The following ASCC1 variants were observed in gnomAD, a reference collection of about 807,000 sequenced individuals.
The protein encoded by ASCC1 is ASC-1 complex subunit P50.
A neutral mutation model predicts 46.6 loss-of-function variants in ASCC1; 35 were observed. That is an observed-to-expected ratio of 0.75 (90% confidence interval 0.57 to 0.99). The LOEUF is 0.99. ASCC1 is among the 50% of genes least tolerant of loss of function. The pLI, the probability that ASCC1 is intolerant of heterozygous loss-of-function variation, is 0.00. For synonymous variants in ASCC1, 143 were observed against 146.6 expected (o/e 0.98, Z 0.18); for missense variants, 376 against 428.7 (o/e 0.88, Z 1.09).
intron 5 of ASCC1, among the ~76,000 whole-genome samples, chr10:72,187,399 C>A (rs1412045612): frequency 2.7e-5 from 4 of 147,680 alleles, no homozygotes; most frequent in Non-Finnish European, 6.0e-5. Flanking sequence ...GTCAGGAGAT[C>A]GAGACCATGA....
At chr10:72,209,159 T>C (rs1212815899) in intron 3 of ASCC1, among the ~76,000 whole-genome samples, 1 of 148,688 alleles carries the variant, frequency 6.7e-6, no homozygotes, top group African/African-American at 2.5e-5. Flanking sequence ...AGCAAAGCCC[T>C]GTCTTTAAAA....
chr10:72,178,171 G>T (rs1852095605), intron 5 of ASCC1, among the ~76,000 whole-genome samples: 1 of 152,198 alleles, frequency 6.6e-6, no homozygotes. Context: ...CCTGAGCATA[G>T]AAAAGTTGCC....
chr10:72,096,489 A>G lies in ASCC1; in HGVS notation c.*845T>C. On this transcript the variant is annotated 3_prime_UTR_variant, in exon 10 of 10. Transcript: ENST00000672957. Reference sequence around the variant, plus strand: ...AATCCAACAAATATTAAGAGGACAAACTTTGGTAGGAAAATGATAGACCAA... The same window carrying G: ...AATCCAACAAATATTAAGAGGACAAGCTTTGGTAGGAAAATGATAGACCAA... The G allele has an allele frequency of 2.2e-6, 1 of 454,138 alleles. No homozygotes were observed. Among genetic ancestry groups the G allele is most frequent in the Non-Finnish European group, 4.4e-6 (1 of 226,800 alleles). 28.1% of individuals were successfully genotyped at this position (454,138 alleles called of 1,614,324 possible).
At chr10:72,212,144 C>T (rs531813557) in intron 2 of ASCC1, 3 of 160,184 alleles carry the variant, frequency 1.9e-5, no homozygotes, top group Admixed American at 6.6e-5. Context: ...AAATCACTAT[C>T]TCAACTAAAA....
intron 5 of ASCC1, among the ~76,000 whole-genome samples, chr10:72,184,913 A>G (rs1004807489): frequency 6.6e-6 from 1 of 152,234 alleles, no homozygotes; most frequent in Non-Finnish European, 1.5e-5. Flanking sequence ...ATTTCACCAT[A>G]AAAAGAAAAG....
chr10:72,189,909 T>C (rs1854147960), intron 5 of ASCC1: 6 of 681,812 alleles, frequency 8.8e-6, no homozygotes, highest in Middle Eastern at 4.1e-4. Context: ...GTACAGCCTT[T>C]CTGTCTGGCG....
intron 7 of ASCC1, among the ~76,000 whole-genome samples, chr10:72,138,447 G>A (rs556733018): frequency 2.1e-4 from 32 of 152,220 alleles, no homozygotes; most frequent in Middle Eastern, 3.4e-3. Context: ...AAACTTTGAA[G>A]GGACTAATAT....
At chr10:72,134,073 G>A (rs1845905967) in intron 7 of ASCC1, 1 of 152,174 alleles carries the variant, frequency 6.6e-6, no homozygotes, top group Non-Finnish European at 1.5e-5. Context: ...TTGAGGTCAG[G>A]AGTTTGAGAC....
chr10:72,102,297 G>GTAAGTACAGGGGGTTCAATTAA (rs1841862414), intron 9 of ASCC1: 1 of 1,529,998 alleles, frequency 6.5e-7, no homozygotes, highest in Admixed American at 2.0e-5. Context: ...AAAACAACAA[G>GTAAGTACAGGGGGTTCAATTAA]TTCAGGTGTG....
At chr10:72,164,090 G>A (rs530076014) in intron 5 of ASCC1, among the ~76,000 whole-genome samples, 2 of 152,204 alleles carry the variant, frequency 1.3e-5, no homozygotes, top group East Asian at 1.9e-4. Flanking sequence ...AGCCTCCTGA[G>A]TAGCTGGGAT....
At chr10:72,116,318 A>G (rs1241960909) in intron 9 of ASCC1, among the ~76,000 whole-genome samples, 1 of 152,250 alleles carries the variant, frequency 6.6e-6, no homozygotes, top group African/African-American at 2.4e-5. Flanking sequence ...CTGCCATTAA[A>G]TTTTGGCCAT....
intron 3 of ASCC1, among the ~76,000 whole-genome samples, chr10:72,207,144 G>A (rs1857334839): frequency 6.6e-6 from 1 of 152,166 alleles, no homozygotes; most frequent in Non-Finnish European, 1.5e-5. Context: ...CAGACACAGT[G>A]GTTCATGCCT....
Position 72,161,619 on chromosome 10 carries a change from A to G in ASCC1, c.545T>C (p.Ile182Thr), listed in dbSNP as rs1393446153. ...FQNPKKLHLT[I>T]GMLVLLSEEE... ...CTCACTCAAAAGCACCAACATCCCA[A>G]TAGTTAGATGAAGCTTTTTAGGATT... Residue 182 changes from isoleucine (I) to threonine (T), a missense_variant, in exon 6 of 10, where the codon ATT becomes ACT. Transcript: ENST00000672957. The G allele has an allele frequency of 6.2e-7, 1 of 1,614,148 alleles. No homozygotes were observed. The highest frequency in any genetic ancestry group is 2.2e-5 in the East Asian group (1 of 44,886).
chr10:72,136,413 C>T (rs925906669), intron 7 of ASCC1, among the ~76,000 whole-genome samples: 7 of 151,620 alleles, frequency 4.6e-5, no homozygotes, highest in Middle Eastern at 3.4e-3. Flanking sequence ...TCTGTGAAAA[C>T]GCACCAATCA....
Position 72,197,946 on chromosome 10 carries a change from T to C in ASCC1, c.311-957A>G, listed in dbSNP as rs1049705308. ...ATAAATAAATAAATAAAGTTGAACATAGACTTACCATATAACCCAGAAATT... is the reference window on the plus strand; with the variant it reads ...ATAAATAAATAAATAAAGTTGAACACAGACTTACCATATAACCCAGAAATT... On this transcript the variant is annotated intron_variant, in intron 4 of 9. Coordinates refer to ENST00000672957, the MANE Select transcript of ASCC1 (RefSeq NM_001198800.3). Among the ~76,000 whole-genome samples the C allele has an allele frequency of 7.5e-5, 10 of 132,896 alleles. No homozygotes were observed. In the East Asian group the frequency reaches 1.5e-3, roughly 20 times the overall value. 87.2% of individuals were successfully genotyped at this position (132,896 alleles called of 152,430 possible). A position where few individuals can be genotyped will look rare whatever the true frequency, so the allele number is the denominator to read the frequency against.
rs752368701 is a variant in ASCC1, at chr10:72,204,545, C to A, written c.213-1021G>T. The A allele has an allele frequency of 2.6e-6, 4 of 1,547,102 alleles. No individual in the cohort carries two copies. On this transcript the variant is annotated intron_variant, in intron 3 of 9. Transcript: ENST00000672957. Reference sequence around the variant, plus strand: ...GAGAGAAGTTTCAGAGTCTATAAAGCACTAAGAGGCCATCACAGGGCTATC... The same window carrying A: ...GAGAGAAGTTTCAGAGTCTATAAAGAACTAAGAGGCCATCACAGGGCTATC...
intron 7 of ASCC1, among the ~76,000 whole-genome samples, chr10:72,146,701 G>A (rs1310936858): frequency 1.3e-5 from 2 of 152,020 alleles, no homozygotes; most frequent in East Asian, 1.9e-4. Flanking sequence ...ACCAAACCGA[G>A]GATGCATTAG....
intron 4 of ASCC1, 25 bp downstream of exon 4, chr10:72,203,402 G>A (rs1274420583): frequency 4.6e-6 from 7 of 1,536,558 alleles, no homozygotes; most frequent in Non-Finnish European, 5.4e-6. Flanking sequence ...GACTTCAAAT[G>A]TAACTTATAT....
At chr10:72,114,846 T>C (rs1843325930) in intron 9 of ASCC1, among the ~76,000 whole-genome samples, 1 of 150,972 alleles carries the variant, frequency 6.6e-6, no homozygotes, top group Non-Finnish European at 1.5e-5. Flanking sequence ...TCAGCAAACT[T>C]TTTTTTTTAA....
Sources: allele counts gnomAD v4.1 joint callset (sites outside exome capture counted in the v4.1 genomes callset), GRCh38; gene constraint gnomAD v4.1.1; transcripts MANE v1.5; gene names NCBI Gene and HGNC (gene_info 2026-07-23, HGNC 2026-07-21).